Variants in SOBP observed in about 807,000 individuals in gnomAD.
SOBP encodes the protein sine oculis binding protein homolog.
Under a neutral mutation model 53.6 loss-of-function variants are expected in SOBP, and 4 were observed. The ratio of observed to expected loss-of-function variants is 0.07; its 90% CI spans 0.04 to 0.17. The LOEUF is 0.17. SOBP is among the 10% of genes least tolerant of loss of function. The pLI, the probability that SOBP is intolerant of heterozygous loss-of-function variation, is 1.00. For synonymous variants in SOBP, 584 were observed against 522.6 expected (o/e 1.12, Z -1.60); for missense variants, 1,088 against 1,204.7 (o/e 0.90, Z 1.43).
chr6:107,629,965 G>C (rs1185241795), intron 5 of SOBP, among the ~76,000 whole-genome samples: 1 of 152,154 alleles, frequency 6.6e-6, no homozygotes, highest in East Asian at 1.9e-4. Context: ...TTATGTATTT[G>C]TGATAGGAAG....
intron 4 of SOBP, among the ~76,000 whole-genome samples, chr6:107,565,237 A>G (rs1396418443): frequency 6.6e-6 from 1 of 152,204 alleles, no homozygotes; most frequent in East Asian, 1.9e-4. Context: ...GGTGACATGG[A>G]CAATCAGAAA....
chr6:107,499,731 G>A (rs2114938983), intron 1 of SOBP, among the ~76,000 whole-genome samples: 1 of 152,250 alleles, frequency 6.6e-6, no homozygotes, highest in Non-Finnish European at 1.5e-5. Context: ...AAACTGGGAG[G>A]CACTCTTAAG....
chr6:107,529,457 A>G, intron 3 of SOBP: 2 of 985,410 alleles, frequency 2.0e-6, no homozygotes, highest in South Asian at 4.7e-5. Flanking sequence ...TGTGCATTCT[A>G]GGAACTGTTG....
chr6:107,515,805 G>A (rs569211132), intron 3 of SOBP, among the ~76,000 whole-genome samples: 2 of 152,156 alleles, frequency 1.3e-5, no homozygotes, highest in South Asian at 4.1e-4. Flanking sequence ...CAAAAATACT[G>A]AGCAAAATTA....
intron 5 of SOBP, among the ~76,000 whole-genome samples, chr6:107,600,276 AC>A (rs755179444): frequency 6.6e-6 from 1 of 152,224 alleles, no homozygotes; most frequent in Non-Finnish European, 1.5e-5. Flanking sequence ...GGGAAGAGCC[AC>A]ATACCTCCTT....
At chr6:107,497,337 G>A (rs1583139961) in intron 1 of SOBP, among the ~76,000 whole-genome samples, 2 of 152,284 alleles carry the variant, frequency 1.3e-5, no homozygotes, top group South Asian at 4.1e-4. Flanking sequence ...ATGTTTTGAA[G>A]TTAAGTAATG....
At chr6:107,619,488 G>A (rs770725598) in intron 5 of SOBP, among the ~76,000 whole-genome samples, 36 of 152,100 alleles carry the variant, frequency 2.4e-4, no homozygotes, top group Non-Finnish European at 1.9e-4. Flanking sequence ...CAAGCTTATT[G>A]GGCCATGGGA....
intron 5 of SOBP, among the ~76,000 whole-genome samples, chr6:107,622,941 C>G (rs1431230651): frequency 6.6e-6 from 1 of 152,142 alleles, no homozygotes; most frequent in Admixed American, 6.6e-5. Flanking sequence ...AATAATTCCC[C>G]CCCATGCCCT....
intron 1 of SOBP, among the ~76,000 whole-genome samples, chr6:107,491,305 G>T (rs1195547106): frequency 6.6e-6 from 1 of 152,182 alleles, no homozygotes; most frequent in Non-Finnish European, 1.5e-5. Flanking sequence ...CTCACCACTG[G>T]CAGCCTCCGC....
chr6:107,616,994 G>T (rs1447228309), intron 5 of SOBP, among the ~76,000 whole-genome samples: 1 of 152,144 alleles, frequency 6.6e-6, no homozygotes, highest in African/African-American at 2.4e-5. Flanking sequence ...AGGGGCTCCC[G>T]GGCAGTTGCT....
intron 4 of SOBP, among the ~76,000 whole-genome samples, chr6:107,576,255 G>A (rs1785221074): frequency 6.6e-6 from 1 of 152,206 alleles, no homozygotes. Context: ...GGCAGAAGTT[G>A]CAGTATTGCT....
chr6:107,529,673 C>A, intron 3 of SOBP: 4 of 951,076 alleles, frequency 4.2e-6, no homozygotes, highest in Non-Finnish European at 5.0e-6. Flanking sequence ...TGACCAATGG[C>A]CATCCTTATT....
chr6:107,561,814 G>A (rs1222637108), intron 4 of SOBP, among the ~76,000 whole-genome samples: 1 of 152,082 alleles, frequency 6.6e-6, no homozygotes, highest in East Asian at 1.9e-4. Context: ...ATTTACTGGG[G>A]GCTGCTTAGA....
At chr6:107,583,716 A>G (rs1236201242) in intron 4 of SOBP, among the ~76,000 whole-genome samples, 1 of 152,068 alleles carries the variant, frequency 6.6e-6, no homozygotes, top group Non-Finnish European at 1.5e-5. Context: ...TTGTTTTGGT[A>G]GAGATGGGGT....
At chr6:107,629,143 T>G (rs1052202009) in intron 5 of SOBP, among the ~76,000 whole-genome samples, 1 of 152,114 alleles carries the variant, frequency 6.6e-6, no homozygotes, top group African/African-American at 2.4e-5. Flanking sequence ...GATACATTAG[T>G]AGACAGTCAG....
At chr6:107,657,588 CAG>C in intron 6 of SOBP, among the ~76,000 whole-genome samples, 1 of 152,074 alleles carries the variant, frequency 6.6e-6, no homozygotes, top group East Asian at 1.9e-4. Context: ...CAGCAAATAC[CAG>C]AGCTGAGACA....
intron 1 of SOBP, among the ~76,000 whole-genome samples, chr6:107,495,441 AACTT>A (rs745975553): frequency 2.0e-5 from 3 of 152,272 alleles, no homozygotes; most frequent in Non-Finnish European, 2.9e-5. Flanking sequence ...TCATTCTCTA[AACTT>A]ACTTATACAA....
intron 5 of SOBP, among the ~76,000 whole-genome samples, chr6:107,623,594 T>C (rs1026189526): frequency 1.2e-4 from 19 of 152,162 alleles, no homozygotes; most frequent in African/African-American, 4.3e-4. Context: ...CAAAAGGAAA[T>C]TGGTAGATGA....
Position 107,635,240 on chromosome 6 carries a change from G to A in SOBP, c.2396G>A (p.Gly799Asp), listed in dbSNP as rs369267831. The A allele has an allele frequency of 1.2e-5, 19 of 1,613,890 alleles. No homozygotes were observed. The highest frequency in any genetic ancestry group is 1.5e-5 in the Non-Finnish European group (18 of 1,179,982). Residue 799 changes from glycine to aspartate, a missense_variant, in exon 6 of 7, where the codon GGC becomes GAC. Transcript: ENST00000317357. The surrounding 1 kb of genome is among the most constrained non-coding windows in gnomAD (Gnocchi z 4.5). ...ATGGGCGAGGAGGCCCTGGCGGGGG[G>A]CGACAAGTCAGACCCGAACCTTAAT... ...KLMGEEALAG[G>D]DKSDPNLNNP...
Sources: allele counts gnomAD v4.1 joint callset (sites outside exome capture counted in the v4.1 genomes callset), GRCh38; gene constraint gnomAD v4.1.1; non-coding constraint Gnocchi (gnomAD v3.1); transcripts MANE v1.5; gene names NCBI Gene and HGNC (gene_info 2026-07-23, HGNC 2026-07-21).